SLC29A2: variants seen among roughly 807,000 people sequenced by gnomAD.
The protein encoded by SLC29A2 is equilibrative nucleoside transporter 2.
In SLC29A2, 37 loss-of-function variants were observed where a neutral mutation model predicts 48.8. That is an observed-to-expected ratio of 0.76 (90% CI 0.58 to 1.00). SLC29A2 has a LOEUF of 1.00. Among genes scored for constraint, SLC29A2 ranks in the 50% least tolerant of loss-of-function variants. The probability of loss-of-function intolerance (pLI) is 0.00; values close to 1 mark genes in which losing one functional copy is unlikely to be tolerated. For synonymous variants in SLC29A2, 233 were observed against 261.7 expected (o/e 0.89, Z 1.06); for missense variants, 533 against 578.6 (o/e 0.92, Z 0.81).
At chr11:66,370,054 T>A (rs1394641950) in intron 2 of SLC29A2, among the ~76,000 whole-genome samples, 1 of 152,200 alleles carries the variant, frequency 6.6e-6, no homozygotes, top group Non-Finnish European at 1.5e-5. Flanking sequence ...TTGTGCCCCA[T>A]CTTCTGCTCC....
upstream of SLC29A2, chr11:66,371,880 T>G: frequency 6.1e-6 from 3 of 488,996 alleles, no homozygotes; most frequent in Non-Finnish European, 1.1e-5. Context: ...CCGCCCCACC[T>G]AGGGGCCTGC....
At chr11:66,367,358 T>A (rs2135004039) in intron 7 of SLC29A2, 106 bp downstream of exon 7, 1 of 914,690 alleles carries the variant, frequency 1.1e-6, no homozygotes, top group South Asian at 1.3e-5. Context: ...TGCACAAGGC[T>A]ACTAGGGGTG....
chr11:66,369,204 T>C lies in SLC29A2; in HGVS notation c.276-5A>G, dbSNP rs1189276948. The C allele has an allele frequency of 1.9e-6, 3 of 1,576,314 alleles. No homozygotes were observed. The highest frequency in any genetic ancestry group is 2.6e-6 in the Non-Finnish European group (3 of 1,161,692). Reference sequence around the variant, plus strand: ...ATGCGCACCGTCTCCGGGACGCTGCTCAGAAGCAGGCAGAGTGCATCAGTG... The same window carrying C: ...ATGCGCACCGTCTCCGGGACGCTGCCCAGAAGCAGGCAGAGTGCATCAGTG... On this transcript the variant is annotated splice_polypyrimidine_tract_variant and splice_region_variant and intron_variant, in intron 3 of 11. Coordinates refer to ENST00000357440, the MANE Select transcript of SLC29A2 (RefSeq NM_001532.3).
chr11:66,364,885 ACTC>A (rs1855588008), intron 10 of SLC29A2: 1 of 153,362 alleles, frequency 6.5e-6, no homozygotes, highest in Non-Finnish European at 1.4e-5. Context: ...CTGGTTTTGA[ACTC>A]CTGAGCTCAA....
At chr11:66,364,746 T>A (rs12576293) in intron 10 of SLC29A2, 153,460 of 246,384 alleles carry the variant, frequency 0.62, 51,619 homozygotes, top group South Asian at 0.81. Context: ...ACCTCGAGTG[T>A]TCCACCTGCC....
At chr11:66,369,670 C>T (rs1855920398) in intron 2 of SLC29A2, 138 bp from the exon 3 acceptor site, 7 of 988,442 alleles carry the variant, frequency 7.1e-6, no homozygotes, top group Non-Finnish European at 1.1e-5. Flanking sequence ...AGCCGGCACA[C>T]AGTCGGAGCT....
At chr11:66,368,937 T>G (rs960940939) in intron 4 of SLC29A2, 123 bp downstream of exon 4, 3 of 1,347,282 alleles carry the variant, frequency 2.2e-6, no homozygotes, top group Non-Finnish European at 3.1e-6. Flanking sequence ...CCTCAGTTTC[T>G]TCACCAGGGA....
intron 7 of SLC29A2, among the ~76,000 whole-genome samples, chr11:66,367,112 A>G (rs1174972804): frequency 6.6e-6 from 1 of 152,206 alleles, no homozygotes; most frequent in Admixed American, 6.5e-5. Flanking sequence ...TCTCATTACC[A>G]TTGCTTTACA....
At position 66,364,353 on chromosome 11, in the gene SLC29A2, C is replaced by T; in HGVS notation, c.1131G>A (p.Leu377=). Residue 377 remains leucine (L), a synonymous_variant, in exon 11 of 12, where the codon CTG becomes CTA. Transcript: ENST00000357440. ...LRFLFVPLFM[L]CHVPQRSRLP... ...GCCGGGACCTCTGGGGCACGTGGCA[C>T]AGCATGAAGAGGGGCACGAACAGGA... 6.2e-7 allele frequency: 1 copy of T among 1,614,074 alleles called. No individual in the cohort carries two copies. The highest frequency in any genetic ancestry group is 8.5e-7 in the Non-Finnish European group (1 of 1,180,024).
chr11:66,363,133 C>T lies in SLC29A2; in HGVS notation c.*303G>A. ...TGCTCCTGATGATGATGAACAAATGCAGACCTGGTGGTGGGGAGCAGCCGT... is the reference window on the plus strand; with the variant it reads ...TGCTCCTGATGATGATGAACAAATGTAGACCTGGTGGTGGGGAGCAGCCGT... On this transcript the variant is annotated 3_prime_UTR_variant, in exon 12 of 12. Coordinates refer to ENST00000357440, the MANE Select transcript of SLC29A2 (RefSeq NM_001532.3). 2.5e-6 allele frequency: 1 copy of T among 403,204 alleles called. No homozygotes were observed. The highest frequency in any genetic ancestry group is 2.1e-5 in the African/African-American group (1 of 48,732). 25.0% of individuals were successfully genotyped at this position (403,204 alleles called of 1,614,324 possible).
chr11:66,371,231 C>A lies in SLC29A2; in HGVS notation c.111+13G>T. The A allele has an allele frequency of 1.9e-6, 3 of 1,612,972 alleles. No homozygotes were observed. The highest frequency in any genetic ancestry group is 1.3e-5 in the African/African-American group (1 of 75,038). ...CTGTGGCCACGAGGCTGCCACGCCG[C>A]CAGGAGTCTCACCGGGATGGCGGTG... On this transcript the variant is annotated intron_variant, in intron 2 of 11. Transcript: ENST00000357440.
intron 8 of SLC29A2, 58 bp downstream of exon 8, chr11:66,366,373 C>A: frequency 6.2e-7 from 1 of 1,613,544 alleles, no homozygotes; most frequent in Non-Finnish European, 8.5e-7. Context: ...ACCTTGGAGT[C>A]AATGTGAGCC....
intron 11 of SLC29A2, 33 bp downstream of exon 11, chr11:66,364,192 C>G: frequency 5.3e-6 from 8 of 1,512,942 alleles, no homozygotes; most frequent in Non-Finnish European, 7.2e-6. Flanking sequence ...CCTCCCTACT[C>G]CCAGCCCCCC....
At position 66,363,124 on chromosome 11, in the gene SLC29A2, G is replaced by GATC. The variant is rs1403030425; in HGVS notation, c.*311_*312insGAT. On this transcript the variant is annotated 3_prime_UTR_variant, in exon 12 of 12. Coordinates refer to ENST00000357440, the MANE Select transcript of SLC29A2 (RefSeq NM_001532.3). ...GGTCACCTCTGCTCCTGATGATGAT[G>GATC]AACAAATGCAGACCTGGTGGTGGGG... The GATC allele has an allele frequency of 2.3e-5, 9 of 390,848 alleles. No homozygotes were observed. Among genetic ancestry groups the GATC allele is most frequent in the Non-Finnish European group, 3.4e-5 (7 of 203,782 alleles). 24.2% of individuals were successfully genotyped at this position (390,848 alleles called of 1,614,324 possible).
intron 10 of SLC29A2, chr11:66,364,828 T>TTTG (rs1855581239): frequency 6.2e-6 from 1 of 160,836 alleles, no homozygotes. Flanking sequence ...CATTAAAAAT[T>TTTG]TGTGTGTGTG....
At position 66,367,508 on chromosome 11, in the gene SLC29A2, G is replaced by T; in HGVS notation, c.689C>A (p.Ala230Asp). ...RYYLANKSSQ[A>D]QAQELETKAE... ...TTTGGTCTCCAGCTCCTGAGCTTGG[G>T]CCTGGGATGATTTATTGGCCAGGTA... Residue 230 changes from alanine to aspartate, a missense_variant, in exon 7 of 12, where the codon GCC becomes GAC. Coordinates refer to ENST00000357440, the MANE Select transcript of SLC29A2 (RefSeq NM_001532.3). The T allele has an allele frequency of 1.2e-6, 2 of 1,614,154 alleles. No homozygotes were observed. Among genetic ancestry groups the T allele is most frequent in the Non-Finnish European group, 1.7e-6 (2 of 1,180,020 alleles).
intron 11 of SLC29A2, among the ~76,000 whole-genome samples, chr11:66,363,939 G>T (rs1341906450): frequency 7.8e-6 from 1 of 128,404 alleles, no homozygotes; most frequent in African/African-American, 2.5e-5. Context: ...CCTGAGGGAT[G>T]ACAGTTCAAC....
chr11:66,371,993 ACGAGGTGTAACCTCACCTCCACC>A (rs1590668362), upstream of SLC29A2: 2 of 284,816 alleles, frequency 7.0e-6, no homozygotes, highest in Non-Finnish European at 1.3e-5. Flanking sequence ...GGGGGTAGGG[ACGAGGTGTAACCTCACCTCCACC>A]CCCCGCCGAG....
rs1367507233 is a variant in SLC29A2, at chr11:66,369,242, G to C, written c.276-43C>G. On this transcript the variant is annotated intron_variant, in intron 3 of 11. Transcript: ENST00000357440. ...GAGTGCATCAGTGGGGCCCAGGCCA[G>C]AGGGGGCTGGGGAAGGAGGCTCGAC... The C allele has an allele frequency of 5.1e-6, 8 of 1,582,842 alleles. No homozygotes were observed. In the South Asian group the frequency reaches 9.1e-5, roughly 18 times the overall value.
Sources: gnomAD v4.1 joint callset for allele counts (sites outside exome capture counted in the v4.1 genomes callset) on GRCh38, gnomAD v4.1.1 for gene constraint, MANE v1.5 for transcripts, NCBI Gene and HGNC (gene_info 2026-07-23, HGNC 2026-07-21) for gene names.